The following PKNOX2 variants were observed in gnomAD, a reference collection of about 807,000 sequenced individuals.
The protein encoded by PKNOX2 is homeobox protein PKNOX2.
A neutral mutation model predicts 53.1 loss-of-function variants in PKNOX2; 14 were observed. That is an observed-to-expected ratio of 0.26 (90% CI 0.17 to 0.41). PKNOX2 has a LOEUF of 0.41. PKNOX2 is among the 10% of genes least tolerant of loss of function. PKNOX2 has a pLI of 1.00. For synonymous variants in PKNOX2, 257 were observed against 242.8 expected (o/e 1.06, Z -0.54); for missense variants, 496 against 602.8 (o/e 0.82, Z 1.85).
In PKNOX2 at chr11:125,422,776, C is replaced by T. The variant is rs1426481711; in HGVS notation, c.937-6236C>T. ...AGCATTCCCCAAGAAGCTTAAGACTCAGGTTAGGATAAAATGTCCCCATCA... is the reference window on the plus strand; with the variant it reads ...AGCATTCCCCAAGAAGCTTAAGACTTAGGTTAGGATAAAATGTCCCCATCA... On this transcript the variant is annotated intron_variant, in intron 10 of 12. Transcript: ENST00000298282. The surrounding 1 kb of genome is among the most constrained non-coding windows in gnomAD (Gnocchi z 4.1). 6.6e-6 allele frequency among the ~76,000 whole-genome samples: 1 copy of T among 152,122 alleles called. No individual in the cohort carries two copies. Among genetic ancestry groups the T allele is most frequent in the African/African-American group, 2.4e-5 (1 of 41,410 alleles).
chr11:125,396,298 C>T (rs941005253), intron 6 of PKNOX2, among the ~76,000 whole-genome samples: 2 of 151,980 alleles, frequency 1.3e-5, no homozygotes, highest in Non-Finnish European at 2.9e-5. Flanking sequence ...TTTGCCTCAC[C>T]CTAGATCCTG....
intron 10 of PKNOX2, among the ~76,000 whole-genome samples, chr11:125,423,055 C>G (rs979412180): frequency 3.3e-5 from 5 of 151,892 alleles, no homozygotes; most frequent in African/African-American, 1.2e-4. Context: ...CACACACACA[C>G]ACACACATAT....
intron 1 of PKNOX2, among the ~76,000 whole-genome samples, chr11:125,217,008 AACACACAC>A (rs10571639): frequency 2.0e-4 from 30 of 147,226 alleles, no homozygotes; most frequent in African/African-American, 6.3e-4. Flanking sequence ...ATCCCCTCAA[AACACACAC>A]ACACACACAC....
chr11:125,175,219 G>GGAAGGAAGGAAC (rs765934904), intron 1 of PKNOX2, among the ~76,000 whole-genome samples: 1 of 139,514 alleles, frequency 7.2e-6, no homozygotes, highest in Non-Finnish European at 1.6e-5. Context: ...AAGGAAGGAA[G>GGAAGGAAGGAAC]GAAGGAAGGA....
At chr11:125,382,065 A>C (rs1953269292) in intron 5 of PKNOX2, among the ~76,000 whole-genome samples, 1 of 152,128 alleles carries the variant, frequency 6.6e-6, no homozygotes, top group African/African-American at 2.4e-5. Flanking sequence ...CCCACATGCC[A>C]CTCACACTGT....
intron 10 of PKNOX2, among the ~76,000 whole-genome samples, chr11:125,418,845 A>G (rs1222490541): frequency 6.6e-6 from 1 of 152,062 alleles, no homozygotes; most frequent in African/African-American, 2.4e-5. Context: ...TAAACAACAC[A>G]GTATAATAAC....
chr11:125,178,614 GAAAGAAA>G (rs1955892673), intron 1 of PKNOX2, among the ~76,000 whole-genome samples: 7 of 60,830 alleles, frequency 1.2e-4, no homozygotes, highest in South Asian at 1.3e-3. Flanking sequence ...AGGAAGGAAA[GAAAGAAA>G]GAAAGAAAGA....
intron 1 of PKNOX2, among the ~76,000 whole-genome samples, chr11:125,214,385 A>G (rs570894071): frequency 1.3e-5 from 2 of 151,694 alleles, no homozygotes; most frequent in Admixed American, 6.6e-5. Context: ...TGAATGCCCT[A>G]CTCGGGAGGG....
chr11:125,270,840 T>C (rs1945740527), intron 2 of PKNOX2, among the ~76,000 whole-genome samples: 1 of 152,174 alleles, frequency 6.6e-6, no homozygotes, highest in Admixed American at 6.5e-5. Flanking sequence ...AGCACCCTGC[T>C]CTTCTCCCCT....
intron 2 of PKNOX2, among the ~76,000 whole-genome samples, chr11:125,238,362 C>A (rs1942896276): frequency 6.6e-6 from 1 of 152,176 alleles, no homozygotes; most frequent in Non-Finnish European, 1.5e-5. Context: ...TTACTACATG[C>A]TAGGCATCAT....
chr11:125,287,357 G>C (rs984783196), intron 2 of PKNOX2, among the ~76,000 whole-genome samples: 2 of 152,196 alleles, frequency 1.3e-5, no homozygotes, highest in Non-Finnish European at 2.9e-5. Context: ...AGCTCCACTA[G>C]CCTGACTTAG....
intron 1 of PKNOX2, among the ~76,000 whole-genome samples, chr11:125,178,618 GA>G (rs1281798130): frequency 6.6e-4 from 38 of 57,188 alleles, no homozygotes; most frequent in African/African-American, 4.3e-3. Context: ...AGGAAAGAAA[GA>G]AAGAAAGAAA....
chr11:125,248,285 G>C (rs1943710693), intron 2 of PKNOX2, among the ~76,000 whole-genome samples: 1 of 152,152 alleles, frequency 6.6e-6, no homozygotes, highest in Non-Finnish European at 1.5e-5. Context: ...CTGGAAACTA[G>C]ATGTTATGGC....
chr11:125,378,975 T>C (rs974629256), intron 5 of PKNOX2, among the ~76,000 whole-genome samples: 1 of 118,540 alleles, frequency 8.4e-6, no homozygotes, highest in East Asian at 2.7e-4. Flanking sequence ...GAAATGTTTG[T>C]TTTTTTTTTT....
intron 3 of PKNOX2, among the ~76,000 whole-genome samples, chr11:125,337,731 G>A (rs1036916035): frequency 7.0e-5 from 10 of 142,542 alleles, no homozygotes; most frequent in African/African-American, 1.8e-4. Context: ...TTCCTTTGTC[G>A]TCTGTTTTCT....
chr11:125,335,319 CA>C (rs1950378341), intron 3 of PKNOX2, among the ~76,000 whole-genome samples: 1 of 152,212 alleles, frequency 6.6e-6, no homozygotes. Flanking sequence ...TGGCTGTTCA[CA>C]AAGCCCAGTT....
chr11:125,215,757 A>AAATT (rs879569688), intron 1 of PKNOX2, among the ~76,000 whole-genome samples: 1 of 152,112 alleles, frequency 6.6e-6, no homozygotes, highest in Non-Finnish European at 1.5e-5. Context: ...GTCTCAAAAT[A>AAATT]AACTAACTAA....
intron 1 of PKNOX2, among the ~76,000 whole-genome samples, chr11:125,197,660 AC>A (rs1937892591): frequency 1.3e-5 from 2 of 152,024 alleles, no homozygotes; most frequent in African/African-American, 4.8e-5. Flanking sequence ...AGGAAAAACA[AC>A]AACAACAACA....
intron 1 of PKNOX2, among the ~76,000 whole-genome samples, chr11:125,174,555 G>A (rs984007563): frequency 1.3e-5 from 2 of 152,216 alleles, no homozygotes; most frequent in African/African-American, 4.8e-5. Flanking sequence ...CAGGCACCAT[G>A]AGTTTGTAGA....
Sources: gnomAD v4.1 joint callset for allele counts (sites outside exome capture counted in the v4.1 genomes callset) on GRCh38, gnomAD v4.1.1 for gene constraint, Gnocchi (gnomAD v3.1) non-coding constraint, MANE v1.5 for transcripts, NCBI Gene and HGNC (gene_info 2026-07-23, HGNC 2026-07-21) for gene names.